The following VAMP7 variants were observed in gnomAD, a reference collection of about 807,000 sequenced individuals.
VAMP7 encodes vesicle associated membrane protein 7.
VAMP7 carries 14 observed loss-of-function variants against 29.6 expected under a neutral mutation model. The ratio of observed to expected loss-of-function variants is 0.47; its 90% CI spans 0.31 to 0.74. The LOEUF is 0.74. Ranked by LOEUF, VAMP7 falls within the 30% of genes least tolerant of loss-of-function variation. The pLI, the probability that VAMP7 is intolerant of heterozygous loss-of-function variation, is 0.05. For missense variants in VAMP7, 223 were observed against 262.4 expected (o/e 0.85, Z 1.04); for synonymous variants, 95 against 88.1 (o/e 1.08, Z -0.44).
Position 155,898,151 on chromosome X carries a change from A to T in VAMP7, c.244A>T (p.Ile82Leu), listed in dbSNP as rs1054487918. 1.9e-6 allele frequency: 3 copies of T among 1,613,430 alleles called. No individual in the cohort carries two copies. Among genetic ancestry groups the T allele is most frequent in the African/African-American group, 2.7e-5 (2 of 74,886 alleles). ...RSRAFNFLNE[I>L]KKRFQTTYGS... ...CCGAGCCTTTAATTTTCTGAATGAG[A>T]TAAAGAAGAGGTTCCAGACTACTTA... The change falls in exon 4 of 8, where the codon ATA becomes TTA. Residue 82 changes from isoleucine to leucine, a missense_variant. Coordinates refer to ENST00000286448, the MANE Select transcript of VAMP7 (RefSeq NM_005638.6).
intron 2 of VAMP7, among the ~76,000 whole-genome samples, chrX:155,893,105 G>C (rs1306706965): frequency 1.2e-4 from 19 of 152,114 alleles, no homozygotes; most frequent in Admixed American, 6.6e-5. Context: ...CTGACTGTAG[G>C]CTTCTTGATG....
chrX:155,931,252 T>C (rs920881019), intron 6 of VAMP7, among the ~76,000 whole-genome samples: 1 of 152,206 alleles, frequency 6.6e-6, no homozygotes, highest in Non-Finnish European at 1.5e-5. Context: ...GGTCAAATGG[T>C]ATTTCTACTT....
chrX:155,895,468 A>G (rs895985971), intron 2 of VAMP7, among the ~76,000 whole-genome samples, 155 bp from the exon 3 acceptor site: 1 of 152,160 alleles, frequency 6.6e-6, no homozygotes. Flanking sequence ...TGAAAGAAAC[A>G]GGTATATTGG....
At chrX:155,904,447 TATA>T (rs2066118807) in intron 5 of VAMP7, among the ~76,000 whole-genome samples, 1 of 152,104 alleles carries the variant, frequency 6.6e-6, no homozygotes, top group Non-Finnish European at 1.5e-5. Context: ...TTAATTGAAA[TATA>T]ATTCACATAT....
At chrX:155,937,391 C>T (rs2066676339) in intron 6 of VAMP7, among the ~76,000 whole-genome samples, 1 of 152,042 alleles carries the variant, frequency 6.6e-6, no homozygotes, top group Non-Finnish European at 1.5e-5. Context: ...TTGAAATATG[C>T]TATAAGAATA....
intron 5 of VAMP7, among the ~76,000 whole-genome samples, chrX:155,908,386 G>A (rs776693532): frequency 2.0e-5 from 3 of 152,276 alleles, no homozygotes; most frequent in South Asian, 4.2e-4. Flanking sequence ...GCGAAACCCC[G>A]TCTCCACCAA....
chrX:155,927,220 G>A (rs1367282686), intron 6 of VAMP7, among the ~76,000 whole-genome samples: 1 of 151,856 alleles, frequency 6.6e-6, no homozygotes, highest in African/African-American at 2.4e-5. Flanking sequence ...GGGCCTGTCG[G>A]GGAGTGGGGG....
At chrX:155,893,427 G>T (rs1260725143) in intron 2 of VAMP7, among the ~76,000 whole-genome samples, 1 of 152,124 alleles carries the variant, frequency 6.6e-6, no homozygotes, top group African/African-American at 2.4e-5. Flanking sequence ...AAAGCAGGAG[G>T]CTAAGGAAGC....
chrX:155,912,902 T>C (rs970705785), intron 5 of VAMP7, among the ~76,000 whole-genome samples: 2 of 152,162 alleles, frequency 1.3e-5, no homozygotes, highest in Non-Finnish European at 2.9e-5. Context: ...GGTCAAATGG[T>C]ATTTCTGGTT....
In VAMP7 at chrX:155,895,689, C is replaced by T. The variant is rs765472237; in HGVS notation, c.204+9C>T. The T allele has an allele frequency of 6.2e-7, 1 of 1,604,904 alleles. No individual in the cohort carries two copies. Among genetic ancestry groups the T allele is most frequent in the South Asian group, 1.1e-5 (1 of 90,664 alleles). ...TTTGTATCACTGATGATGTAAGTAACTTGAAGACATATTGCTATTTAACTA... is the reference window on the plus strand; with the variant it reads ...TTTGTATCACTGATGATGTAAGTAATTTGAAGACATATTGCTATTTAACTA... On this transcript the variant is annotated intron_variant, in intron 3 of 7. Coordinates refer to ENST00000286448, the MANE Select transcript of VAMP7 (RefSeq NM_005638.6).
chrX:155,932,981 T>A (rs189529268), intron 6 of VAMP7, among the ~76,000 whole-genome samples: 1 of 152,288 alleles, frequency 6.6e-6, no homozygotes, highest in African/African-American at 2.4e-5. Flanking sequence ...TTGTCTTTGG[T>A]TCTGTTTATA....
At chrX:155,885,707 C>T (rs1251486948) in intron 1 of VAMP7, among the ~76,000 whole-genome samples, 3 of 152,136 alleles carry the variant, frequency 2.0e-5, no homozygotes, top group Non-Finnish European at 2.9e-5. Context: ...ATACAGAGAA[C>T]ACCATGTGAC....
chrX:155,930,768 T>G (rs1255741840), intron 6 of VAMP7, among the ~76,000 whole-genome samples: 2 of 152,026 alleles, frequency 1.3e-5, no homozygotes, highest in Admixed American at 6.6e-5. Context: ...CGTGCAGGTT[T>G]GTTACATATG....
intron 5 of VAMP7, among the ~76,000 whole-genome samples, chrX:155,915,026 G>GC (rs1231356604): frequency 2.7e-4 from 41 of 152,112 alleles, no homozygotes; most frequent in Non-Finnish European, 5.0e-4. Context: ...ATTAATTACT[G>GC]CCTCAAGTTC....
chrX:155,898,274 AT>A (rs2066013757), intron 4 of VAMP7, 25 bp downstream of exon 4: 2 of 1,607,510 alleles, frequency 1.2e-6, no homozygotes. Context: ...AGGATAAGGT[AT>A]TTTGATTTAT....
Position 155,903,306 on chromosome X carries a change from A to G in VAMP7, c.433+2719A>G, listed in dbSNP as rs981696082. On this transcript the variant is annotated intron_variant, in intron 5 of 7. Coordinates refer to ENST00000286448, the MANE Select transcript of VAMP7 (RefSeq NM_005638.6). ...GGACATAGGCATGGGCAAGGACTTC[A>G]TGTCTAAAACACCAAAAGCAATGGC... 6.6e-5 allele frequency among the ~76,000 whole-genome samples: 10 copies of G among 152,298 alleles called. No individual in the cohort carries two copies. In the South Asian group the frequency reaches 1.0e-3, roughly 16 times the overall value.
rs142373640 is a variant in VAMP7 at position 155,931,617 on chromosome X, T to C, written c.502-8084T>C. On this transcript the variant is annotated intron_variant, in intron 6 of 7. Coordinates refer to ENST00000286448, the MANE Select transcript of VAMP7 (RefSeq NM_005638.6). ...TTTGTAGAATCTGGATATTAGCCCT[T>C]TGTCAGATGAGTAGATTGCAAAACT... Among the ~76,000 whole-genome samples, 316 of 152,340 alleles carry C rather than the reference T, an allele frequency of 2.1e-3. 2 individuals carry two copies. Among genetic ancestry groups the C allele is most frequent in the African/African-American group, 7.4e-3 (308 of 41,584 alleles).
At chrX:155,892,439 G>A (rs1424945863) in intron 2 of VAMP7, among the ~76,000 whole-genome samples, 3 of 151,966 alleles carry the variant, frequency 2.0e-5, no homozygotes, top group Admixed American at 2.0e-4. Context: ...TTCCTTCTGT[G>A]GGCTCATCTT....
chrX:155,908,871 T>C (rs1279021057), intron 5 of VAMP7, among the ~76,000 whole-genome samples: 1 of 152,036 alleles, frequency 6.6e-6, no homozygotes, highest in African/African-American at 2.4e-5. Flanking sequence ...AATTCCTCTT[T>C]CATTCCCTTG....
Sources: allele counts gnomAD v4.1 joint callset (sites outside exome capture counted in the v4.1 genomes callset), GRCh38; gene constraint gnomAD v4.1.1; transcripts MANE v1.5; gene names NCBI Gene and HGNC (gene_info 2026-07-23, HGNC 2026-07-21).